The following NAV2 variants were observed in gnomAD, a reference collection of about 807,000 sequenced individuals.
The protein encoded by NAV2 is neuron navigator 2.
Under a neutral mutation model 223.2 loss-of-function variants are expected in NAV2, and 54 were observed. The observed-to-expected ratio is 0.24, with a 90% CI of 0.19 to 0.30. The LOEUF (loss-of-function observed/expected upper bound fraction) is 0.30. Among genes scored for constraint, NAV2 ranks in the 10% least tolerant of loss-of-function variants. NAV2 has a pLI of 1.00. For synonymous variants in NAV2, 1,279 were observed against 1,239.3 expected (o/e 1.03, Z -0.67); for missense variants, 2,806 against 3,147.5 (o/e 0.89, Z 2.60).
chr11:19,534,116 A>G (rs1215780842), intron 1 of NAV2, among the ~76,000 whole-genome samples: 1 of 152,158 alleles, frequency 6.6e-6, no homozygotes, highest in Non-Finnish European at 1.5e-5. Flanking sequence ...CTCCATTTTT[A>G]CAGCCCCATG....
chr11:20,093,339 C>A, intron 29 of NAV2, 140 bp downstream of exon 29: 1 of 637,502 alleles, frequency 1.6e-6, no homozygotes, highest in Non-Finnish European at 2.9e-6. Flanking sequence ...CTTAACTAAC[C>A]ATAATCCCTT....
chr11:19,431,019 C>T (rs1272773070), intron 1 of NAV2, among the ~76,000 whole-genome samples: 1 of 152,220 alleles, frequency 6.6e-6, no homozygotes, highest in Non-Finnish European at 1.5e-5. Context: ...CCCTTCATGG[C>T]CTGCTAAACC....
chr11:19,640,501 T>A (rs2135556052), intron 1 of NAV2, among the ~76,000 whole-genome samples: 1 of 152,216 alleles, frequency 6.6e-6, no homozygotes, highest in East Asian at 1.9e-4. Context: ...TATACAGGAT[T>A]TTCCAGATTT....
chr11:19,517,366 C>G (rs1049506513), intron 1 of NAV2, among the ~76,000 whole-genome samples: 1 of 152,180 alleles, frequency 6.6e-6, no homozygotes, highest in African/African-American at 2.4e-5. Flanking sequence ...GTGGAATCAC[C>G]AAACCTCTAG....
chr11:19,819,530 G>A (rs551335498), intron 1 of NAV2, among the ~76,000 whole-genome samples: 1 of 152,270 alleles, frequency 6.6e-6, no homozygotes, highest in South Asian at 2.1e-4. Flanking sequence ...CTAAGTGGAG[G>A]GGACCAGGGA....
At chr11:19,432,591 C>T (rs1851074298) in intron 1 of NAV2, among the ~76,000 whole-genome samples, 1 of 152,190 alleles carries the variant, frequency 6.6e-6, no homozygotes, top group Admixed American at 6.5e-5. Flanking sequence ...GAAGCAGCCA[C>T]TGAGAAGACA....
intron 35 of NAV2, 102 bp downstream of exon 35, chr11:20,105,829 C>G: frequency 1.1e-6 from 1 of 909,550 alleles, no homozygotes; most frequent in South Asian, 1.6e-5. Context: ...TCAGCAGAAG[C>G]TGGACTGTCC....
intron 1 of NAV2, among the ~76,000 whole-genome samples, chr11:19,757,093 C>T (rs2054296519): frequency 6.6e-6 from 1 of 152,166 alleles, no homozygotes; most frequent in Non-Finnish European, 1.5e-5. Context: ...TTGATAAAGC[C>T]TGTGGTGACC....
At chr11:19,951,983 T>C (rs1309088875) in intron 10 of NAV2, among the ~76,000 whole-genome samples, 1 of 152,256 alleles carries the variant, frequency 6.6e-6, no homozygotes, top group Non-Finnish European at 1.5e-5. Flanking sequence ...AGATGGAACC[T>C]AATGCTCCTT....
At chr11:19,489,478 A>G (rs2042552175) in intron 1 of NAV2, among the ~76,000 whole-genome samples, 1 of 152,222 alleles carries the variant, frequency 6.6e-6, no homozygotes, top group Non-Finnish European at 1.5e-5. Flanking sequence ...TCACAGGCAG[A>G]TTTGAGTAAC....
intron 1 of NAV2, among the ~76,000 whole-genome samples, chr11:19,817,423 T>C (rs2152834323): frequency 6.6e-6 from 1 of 152,206 alleles, no homozygotes; most frequent in East Asian, 1.9e-4. Flanking sequence ...TGGAATGGAA[T>C]GTGGGTCAGG....
At chr11:19,780,686 G>A (rs1251706496) in intron 1 of NAV2, among the ~76,000 whole-genome samples, 2 of 152,176 alleles carry the variant, frequency 1.3e-5, no homozygotes, top group Non-Finnish European at 2.9e-5. Context: ...GTAAAAATTA[G>A]GGAAAAAAAT....
intron 1 of NAV2, among the ~76,000 whole-genome samples, chr11:19,814,541 TCAGA>T (rs1470295280): frequency 1.3e-5 from 2 of 152,190 alleles, no homozygotes; most frequent in Non-Finnish European, 2.9e-5. Context: ...TCCTTAACCT[TCAGA>T]CAGTTACTGT....
At chr11:19,875,981 G>C (rs2062810495) in intron 4 of NAV2, among the ~76,000 whole-genome samples, 1 of 152,120 alleles carries the variant, frequency 6.6e-6, no homozygotes, top group South Asian at 2.1e-4. Flanking sequence ...GGGAAGTACA[G>C]AGTCGGGAAG....
At chr11:19,955,864 C>T (rs1196943929) in intron 10 of NAV2, among the ~76,000 whole-genome samples, 2 of 152,142 alleles carry the variant, frequency 1.3e-5, no homozygotes, top group Non-Finnish European at 2.9e-5. Context: ...CCAGAGTGCT[C>T]CTTACAGCCT....
intron 1 of NAV2, among the ~76,000 whole-genome samples, chr11:19,388,154 C>T (rs117548208): frequency 0.028 from 4,193 of 152,270 alleles, 87 homozygotes; most frequent in Non-Finnish European, 0.042. Context: ...ATGGAAGGAA[C>T]GGGGTCAAGG....
chr11:19,698,084 A>T (rs2049400285), intron 1 of NAV2, among the ~76,000 whole-genome samples: 1 of 152,162 alleles, frequency 6.6e-6, no homozygotes, highest in Non-Finnish European at 1.5e-5. Context: ...GCTGCCATGG[A>T]GGAGCTGCAA....
intron 10 of NAV2, among the ~76,000 whole-genome samples, chr11:19,952,057 T>C (rs2047441549): frequency 6.6e-6 from 1 of 152,224 alleles, no homozygotes; most frequent in Non-Finnish European, 1.5e-5. Context: ...GCATGTGAAT[T>C]TCTGCTTTGA....
At chr11:19,861,974 C>T (rs543394690) in intron 3 of NAV2, among the ~76,000 whole-genome samples, 103 of 152,312 alleles carry the variant, frequency 6.8e-4, no homozygotes, top group Non-Finnish European at 1.3e-3. Context: ...GGATAGACTT[C>T]TAGAACTTTA....
Sources: gnomAD v4.1 joint callset for allele counts (sites outside exome capture counted in the v4.1 genomes callset) on GRCh38, gnomAD v4.1.1 for gene constraint, MANE v1.5 for transcripts, NCBI Gene and HGNC (gene_info 2026-07-23, HGNC 2026-07-21) for gene names.